The following CDH4 variants were observed in gnomAD, a reference collection of about 807,000 sequenced individuals.
CDH4 encodes cadherin 4.
Under a neutral mutation model 86.0 loss-of-function variants are expected in CDH4, and 33 were observed. The ratio of observed to expected loss-of-function variants is 0.38; its 90% CI spans 0.29 to 0.51. CDH4 has a LOEUF of 0.51. Ranked by LOEUF, CDH4 falls within the 20% of genes least tolerant of loss-of-function variation. The probability of loss-of-function intolerance (pLI) is 0.86; values close to 1 mark genes in which losing one functional copy is unlikely to be tolerated. For missense variants in CDH4, 1,114 were observed against 1,307.4 expected (o/e 0.85, Z 2.28); for synonymous variants, 555 against 549.4 (o/e 1.01, Z -0.14).
At chr20:61,761,228 G>A (rs1446662039) in intron 3 of CDH4, among the ~76,000 whole-genome samples, 1 of 152,062 alleles carries the variant, frequency 6.6e-6, no homozygotes, top group Non-Finnish European at 1.5e-5. Flanking sequence ...TAGGGGAGGG[G>A]GGCTCACATA....
At chr20:61,742,457 G>A (rs2088353945) in intron 2 of CDH4, among the ~76,000 whole-genome samples, 1 of 152,210 alleles carries the variant, frequency 6.6e-6, no homozygotes, top group Middle Eastern at 3.2e-3. Context: ...GTGAATGCGA[G>A]GGGAAAACAC....
chr20:61,344,859 G>A (rs536235598), intron 2 of CDH4, among the ~76,000 whole-genome samples: 10 of 152,270 alleles, frequency 6.6e-5, no homozygotes, highest in Admixed American at 6.5e-5. Context: ...AGCAAGGGTC[G>A]GAATCAGCAG....
chr20:61,716,889 CAG>C (rs1052096391), intron 2 of CDH4, among the ~76,000 whole-genome samples: 1 of 152,174 alleles, frequency 6.6e-6, no homozygotes, highest in African/African-American at 2.4e-5. Flanking sequence ...GCCTGGGCAA[CAG>C]AGTGAGCCTC....
intron 7 of CDH4, among the ~76,000 whole-genome samples, chr20:61,882,401 TG>T (rs751338177): frequency 1.4e-4 from 21 of 152,226 alleles, no homozygotes; most frequent in Middle Eastern, 3.4e-3. Flanking sequence ...ACCACAGAGG[TG>T]CAGTTTGTAT....
intron 2 of CDH4, among the ~76,000 whole-genome samples, chr20:61,503,472 G>A (rs956617698): frequency 3.9e-5 from 6 of 152,220 alleles, no homozygotes; most frequent in Admixed American, 6.5e-5. Flanking sequence ...ATGTTTGTCC[G>A]GCATGAGTGT....
At chr20:61,677,327 A>G (rs1218132580) in intron 2 of CDH4, among the ~76,000 whole-genome samples, 1 of 152,132 alleles carries the variant, frequency 6.6e-6, no homozygotes, top group Non-Finnish European at 1.5e-5. Context: ...GAGCAGCGCC[A>G]TTTGCAGGCA....
chr20:61,262,155 G>A (rs1197432950), intron 2 of CDH4, among the ~76,000 whole-genome samples: 1 of 152,180 alleles, frequency 6.6e-6, no homozygotes, highest in Non-Finnish European at 1.5e-5. Context: ...AGTGAGGCCG[G>A]TTACAGATTG....
intron 2 of CDH4, among the ~76,000 whole-genome samples, chr20:61,575,294 G>A (rs75174161): frequency 0.029 from 4,461 of 152,262 alleles, 206 homozygotes; most frequent in African/African-American, 0.092. Flanking sequence ...AGTTTAAGTT[G>A]AGGAGAAAGG....
chr20:61,461,409 A>G (rs1347208820), intron 2 of CDH4, among the ~76,000 whole-genome samples: 1 of 152,236 alleles, frequency 6.6e-6, no homozygotes, highest in Non-Finnish European at 1.5e-5. Context: ...AACCTGCCAC[A>G]GCAGCAGTGA....
chr20:61,492,631 G>T (rs78418365), intron 2 of CDH4, among the ~76,000 whole-genome samples: 1 of 152,244 alleles, frequency 6.6e-6, no homozygotes, highest in African/African-American at 2.4e-5. Flanking sequence ...TGTGTCAGGC[G>T]TGATTTGGAC....
intron 6 of CDH4, among the ~76,000 whole-genome samples, chr20:61,865,183 A>G (rs548365550): frequency 3.3e-5 from 5 of 150,152 alleles, no homozygotes; most frequent in South Asian, 4.3e-4. Flanking sequence ...GGCAGGAGGC[A>G]GTGAGCTGAC....
chr20:61,778,100 T>A lies in CDH4; in HGVS notation c.576+4918T>A, dbSNP rs142917340. Among the ~76,000 whole-genome samples the A allele has an allele frequency of 4.1e-3, 621 of 152,310 alleles. 4 individuals carry two copies. Among genetic ancestry groups the A allele is most frequent in the African/African-American group, 0.014 (585 of 41,572 alleles). ...CTCCCTCCCTCCACCCTCCCCTCTA[T>A]CTTCCATTGAATTCTTATCTAGCAC... On this transcript the variant is annotated intron_variant, in intron 4 of 15. Transcript: ENST00000614565.
At chr20:61,492,229 TTGG>T (rs1364255635) in intron 2 of CDH4, among the ~76,000 whole-genome samples, 1 of 151,382 alleles carries the variant, frequency 6.6e-6, no homozygotes, top group Non-Finnish European at 1.5e-5. Context: ...ATTGTTGATA[TTGG>T]TGGTGTTGAT....
intron 2 of CDH4, among the ~76,000 whole-genome samples, chr20:61,734,085 C>T (rs1314332775): frequency 6.6e-6 from 1 of 152,212 alleles, no homozygotes; most frequent in Non-Finnish European, 1.5e-5. Context: ...CGGAAGCCTC[C>T]TAATGAGGGG....
At chr20:61,744,213 C>G (rs1360486730) in intron 3 of CDH4, among the ~76,000 whole-genome samples, 1 of 151,950 alleles carries the variant, frequency 6.6e-6, no homozygotes, top group East Asian at 1.9e-4. Context: ...TGGAAAGGAG[C>G]CAACCAGAGA....
At chr20:61,374,158 A>C (rs145307819) in intron 2 of CDH4, among the ~76,000 whole-genome samples, 184 of 152,294 alleles carry the variant, frequency 1.2e-3, no homozygotes, top group African/African-American at 4.1e-3. Flanking sequence ...AGTAGCACCT[A>C]TAGGTTGGCA....
chr20:61,292,704 AT>A (rs1398702765), intron 2 of CDH4, among the ~76,000 whole-genome samples: 1 of 152,270 alleles, frequency 6.6e-6, no homozygotes, highest in Non-Finnish European at 1.5e-5. Context: ...TCACGCCCTT[AT>A]GCGGAGATTT....
At chr20:61,875,308 G>T (rs1006486673) in intron 7 of CDH4, among the ~76,000 whole-genome samples, 2 of 152,186 alleles carry the variant, frequency 1.3e-5, no homozygotes, top group African/African-American at 4.8e-5. Context: ...GGTGCCCAGG[G>T]TAACACATGG....
intron 2 of CDH4, among the ~76,000 whole-genome samples, chr20:61,325,896 CTT>C (rs1279800185): frequency 1.3e-5 from 2 of 152,174 alleles, no homozygotes; most frequent in African/African-American, 2.4e-5. Flanking sequence ...TGGGTTGCCT[CTT>C]TTCCCACCAG....
Sources: allele counts gnomAD v4.1 joint callset (sites outside exome capture counted in the v4.1 genomes callset), GRCh38; gene constraint gnomAD v4.1.1; transcripts MANE v1.5; gene names NCBI Gene and HGNC (gene_info 2026-07-23, HGNC 2026-07-21).